MSR1: variants seen among roughly 807,000 people sequenced by gnomAD.
MSR1 encodes macrophage scavenger receptor types I and II.
A neutral mutation model predicts 47.2 loss-of-function variants in MSR1; 53 were observed. The observed-to-expected ratio is 1.12, with a 90% CI of 0.90 to 1.41. The LOEUF (loss-of-function observed/expected upper bound fraction) is 1.41, where lower values mean the gene tolerates loss of function less well. MSR1 is among the 40% of genes most tolerant of loss of function. MSR1 has a pLI of 0.00. For synonymous variants in MSR1, 239 were observed against 185.6 expected (o/e 1.29, Z -2.34); for missense variants, 786 against 546.9 (o/e 1.44, Z -4.36).
At chr8:16,183,668 A>G (rs991269197) in intron 1 of MSR1, among the ~76,000 whole-genome samples, 6 of 139,030 alleles carry the variant, frequency 4.3e-5, no homozygotes, top group African/African-American at 1.6e-4. Context: ...TTAATATAAC[A>G]TATATTATAA....
At chr8:16,157,540 C>A (rs1299486210) in intron 5 of MSR1, among the ~76,000 whole-genome samples, 2 of 151,988 alleles carry the variant, frequency 1.3e-5, no homozygotes, top group African/African-American at 4.8e-5. Context: ...TAACATTAAT[C>A]TCACATTATG....
chr8:16,124,410 T>C lies in MSR1; in HGVS notation c.1034-3804A>G, dbSNP rs374298028. Among the ~76,000 whole-genome samples, 64 of 152,350 alleles carry C rather than the reference T, an allele frequency of 4.2e-4. 1 individual carries two copies. The highest frequency in any genetic ancestry group is 1.5e-3 in the African/African-American group (63 of 41,592). ...AGAATGATAGAGGATTTCCTGGGAA[T>C]ACTCTTGTCAAGTGACTTGTGGAAT... On this transcript the variant is annotated intron_variant, in intron 8 of 9. Transcript: ENST00000262101.
intron 1 of MSR1, among the ~76,000 whole-genome samples, chr8:16,191,096 A>C (rs1400080696): frequency 6.6e-6 from 1 of 152,236 alleles, no homozygotes; most frequent in Non-Finnish European, 1.5e-5. Context: ...TTATTATATA[A>C]AATAATAACT....
At chr8:16,125,413 A>C (rs1180400082) in intron 8 of MSR1, among the ~76,000 whole-genome samples, 1 of 152,136 alleles carries the variant, frequency 6.6e-6, no homozygotes, top group Admixed American at 6.6e-5. Context: ...TTTCGTTAAC[A>C]CATTTTTCTT....
chr8:16,151,554 G>A (rs1248820070), intron 6 of MSR1, among the ~76,000 whole-genome samples: 1 of 152,044 alleles, frequency 6.6e-6, no homozygotes, highest in Non-Finnish European at 1.5e-5. Context: ...AGGCTTTCAG[G>A]AGGCAATTAA....
At chr8:16,141,324 C>G (rs1014930364) in intron 8 of MSR1, among the ~76,000 whole-genome samples, 1 of 152,118 alleles carries the variant, frequency 6.6e-6, no homozygotes, top group African/African-American at 2.4e-5. Context: ...CACAAGATTA[C>G]ATGTGAGAGT....
At chr8:16,156,695 G>T (rs978741696) in intron 5 of MSR1, among the ~76,000 whole-genome samples, 8 of 151,028 alleles carry the variant, frequency 5.3e-5, no homozygotes, top group Non-Finnish European at 1.2e-4. Flanking sequence ...TTTCCTAAGT[G>T]TGTACGTGTA....
chr8:16,184,759 G>C (rs1179692769), intron 1 of MSR1, among the ~76,000 whole-genome samples: 2 of 152,086 alleles, frequency 1.3e-5, no homozygotes, highest in South Asian at 4.1e-4. Context: ...TTGAACTAGA[G>C]ATGAAGCTTG....
chr8:16,178,504 T>C (rs1392043888), intron 1 of MSR1, among the ~76,000 whole-genome samples: 4 of 152,206 alleles, frequency 2.6e-5, no homozygotes, highest in Admixed American at 1.3e-4. Context: ...CAGGCTATCG[T>C]TGGACATTTG....
At chr8:16,159,684 G>A (rs772515653) in intron 5 of MSR1, among the ~76,000 whole-genome samples, 1 of 151,922 alleles carries the variant, frequency 6.6e-6, no homozygotes, top group Non-Finnish European at 1.5e-5. Context: ...AGTAGCTTGT[G>A]TCCAGGAAGA....
intron 8 of MSR1, among the ~76,000 whole-genome samples, chr8:16,134,816 G>C (rs2117092278): frequency 6.6e-6 from 1 of 152,224 alleles, no homozygotes; most frequent in African/African-American, 2.4e-5. Context: ...AAAATAATAA[G>C]AAAACAAACC....
At chr8:16,130,821 G>C (rs772229923) in intron 8 of MSR1, among the ~76,000 whole-genome samples, 27 of 151,658 alleles carry the variant, frequency 1.8e-4, no homozygotes, top group African/African-American at 6.6e-4. Flanking sequence ...TCATTCTTTT[G>C]TATGGCTGCA....
intron 6 of MSR1, among the ~76,000 whole-genome samples, chr8:16,150,884 ACATG>A (rs1208012751): frequency 5.6e-5 from 8 of 143,504 alleles, no homozygotes; most frequent in Admixed American, 4.2e-4. Context: ...ACACACACAC[ACATG>A]CGATACACAG....
rs75290192 is a variant in MSR1, at chr8:16,125,024, A to G, written c.1034-4418T>C. 0.011 allele frequency among the ~76,000 whole-genome samples: 1,663 copies of G among 151,956 alleles called. 91 individuals carry two copies. In the East Asian group the frequency reaches 0.11, roughly 11 times the overall value. On this transcript the variant is annotated intron_variant, in intron 8 of 9. Coordinates refer to ENST00000262101, the MANE Select transcript of MSR1 (RefSeq NM_138715.3). ...AGATTGATTTAACTGGCATAAACAT[A>G]AGTGTTTTTATGGAAAAAAACCCAT...
In MSR1 at chr8:16,177,948, G is replaced by A. The variant is rs372589091; in HGVS notation, c.41C>T (p.Thr14Ile). The change falls in exon 2 of 10, where the codon ACT becomes ATT. Residue 14 changes from threonine (T) to isoleucine (I), a missense_variant. By Grantham distance (89) the Thr-to-Ile change is moderately conservative. Transcript: ENST00000262101. ...WDHFHNQQED[T>I]DSCSESVKFD... Reference sequence around the variant, plus strand: ...TTTCACAGATTCGGAGCAGCTATCAGTGTCCTCCTGTTGATTGTGAAAGTG... The same window carrying A: ...TTTCACAGATTCGGAGCAGCTATCAATGTCCTCCTGTTGATTGTGAAAGTG... 1.4e-5 allele frequency: 23 copies of A among 1,613,942 alleles called. No individual in the cohort carries two copies. The highest frequency in any genetic ancestry group is 1.6e-4 in the Middle Eastern group (1 of 6,062).
At chr8:16,174,361 G>A (rs1485594442) in intron 3 of MSR1, among the ~76,000 whole-genome samples, 2 of 152,130 alleles carry the variant, frequency 1.3e-5, no homozygotes, top group African/African-American at 4.8e-5. Context: ...ATATAGAGAA[G>A]AGGAGAGCTA....
At chr8:16,175,125 G>T (rs527375797) in intron 3 of MSR1, 62 bp downstream of exon 3, 3 of 1,304,458 alleles carry the variant, frequency 2.3e-6, no homozygotes, top group African/African-American at 1.5e-5. Context: ...CTTCTTTTTT[G>T]CTTTGGCAAT....
At chr8:16,145,139 A>G (rs2117118632) in intron 7 of MSR1, among the ~76,000 whole-genome samples, 1 of 152,248 alleles carries the variant, frequency 6.6e-6, no homozygotes, top group South Asian at 2.1e-4. Flanking sequence ...ATCAGGTCAT[A>G]ATATCAAATT....
chr8:16,116,242 A>C (rs78487557), intron 9 of MSR1, among the ~76,000 whole-genome samples: 3,863 of 152,306 alleles, frequency 0.025, 89 homozygotes, highest in Middle Eastern at 0.085. Context: ...CAAATCTGCC[A>C]GGTCAGTATT....
Sources: gnomAD v4.1 joint callset for allele counts (sites outside exome capture counted in the v4.1 genomes callset) on GRCh38, gnomAD v4.1.1 for gene constraint, MANE v1.5 for transcripts, NCBI Gene and HGNC (gene_info 2026-07-23, HGNC 2026-07-21) for gene names.